MEIS1: variants seen among roughly 807,000 people sequenced by gnomAD.
The protein encoded by MEIS1 is homeobox protein Meis1.
In MEIS1, 5 loss-of-function variants were observed where a neutral mutation model predicts 50.8. That is an observed-to-expected ratio of 0.10 (90% CI 0.05 to 0.21). The LOEUF (loss-of-function observed/expected upper bound fraction) is 0.21. Ranked by LOEUF, MEIS1 falls within the 10% of genes least tolerant of loss-of-function variation. The pLI is 1.00. For synonymous variants in MEIS1, 176 were observed against 179.3 expected, an observed-to-expected ratio of 0.98 and a Z score of 0.15; for missense variants, 318 against 517.3, an observed-to-expected ratio of 0.61 and a Z score of 3.74.
At chr2:66,541,236 A>T (rs964059013) in intron 8 of MEIS1, among the ~76,000 whole-genome samples, 8 of 151,782 alleles carry the variant, frequency 5.3e-5, no homozygotes, top group African/African-American at 1.7e-4. Flanking sequence ...ACGAGGTTTC[A>T]CCATGTTAGC....
intron 7 of MEIS1, among the ~76,000 whole-genome samples, chr2:66,477,402 T>C (rs1374519840): frequency 6.6e-6 from 1 of 152,184 alleles, no homozygotes; most frequent in Admixed American, 6.5e-5. Flanking sequence ...TTCTTTGTCT[T>C]CTTTTGAATG....
At chr2:66,465,347 G>A (rs560253381) in intron 7 of MEIS1, among the ~76,000 whole-genome samples, 42 of 152,242 alleles carry the variant, frequency 2.8e-4, no homozygotes, top group Admixed American at 1.3e-4. Flanking sequence ...TAGTAAAAAC[G>A]GAGCCCAGAA....
chr2:66,548,170 T>C (rs1674835546), intron 9 of MEIS1, among the ~76,000 whole-genome samples, 151 bp downstream of exon 9: 1 of 152,230 alleles, frequency 6.6e-6, no homozygotes, highest in Non-Finnish European at 1.5e-5. Flanking sequence ...TTGACTGATA[T>C]GTGAGAACAT....
chr2:66,533,441 T>C (rs543658698), intron 8 of MEIS1, among the ~76,000 whole-genome samples: 18 of 152,334 alleles, frequency 1.2e-4, no homozygotes, highest in African/African-American at 2.2e-4. Context: ...TGGAGGGTCA[T>C]TGAAGTGTCC....
rs61752692 is a variant in MEIS1 at position 66,512,166 on chromosome 2, A to G, written c.760A>G (p.Ser254Gly). 2.5e-6 allele frequency: 4 copies of G among 1,593,782 alleles called. No individual in the cohort carries two copies. The highest frequency in any genetic ancestry group is 2.3e-5 in the East Asian group (1 of 44,204). Reference protein sequence around the residue: ...SSEQGDGLDNSVASPSTGDDD... With the variant: ...SSEQGDGLDNGVASPSTGDDD... Reference sequence around the variant, plus strand: ...GTTTGCAGGTGATGGCTTGGACAACAGTGTAGCTTCCCCCAGCACAGGTGA... The same window carrying G: ...GTTTGCAGGTGATGGCTTGGACAACGGTGTAGCTTCCCCCAGCACAGGTGA... The change falls in exon 8 of 13, where the codon AGT (serine) becomes GGT (glycine). Residue 254 changes from serine to glycine, a missense_variant. Physicochemically the swap from Ser to Gly is moderately conservative, Grantham distance 56. Transcript: ENST00000272369.
intron 7 of MEIS1, among the ~76,000 whole-genome samples, chr2:66,472,594 G>A (rs1053126953): frequency 6.6e-6 from 1 of 152,158 alleles, no homozygotes; most frequent in Non-Finnish European, 1.5e-5. Flanking sequence ...GGAGCCGTGA[G>A]TGTATTTATT....
intron 7 of MEIS1, chr2:66,509,246 A>C (rs1410969956): frequency 2.9e-6 from 1 of 341,316 alleles, no homozygotes; most frequent in Non-Finnish European, 6.0e-6. Flanking sequence ...CTTTTAGAAT[A>C]GTCTGTTTTA....
intron 8 of MEIS1, among the ~76,000 whole-genome samples, chr2:66,522,010 C>A (rs1043535260): frequency 6.6e-6 from 1 of 152,172 alleles, no homozygotes; most frequent in African/African-American, 2.4e-5. Context: ...ATCCGTAATG[C>A]GATGGGTGGG....
At chr2:66,537,003 AG>A (rs1393590531) in intron 8 of MEIS1, among the ~76,000 whole-genome samples, 1 of 152,164 alleles carries the variant, frequency 6.6e-6, no homozygotes, top group African/African-American at 2.4e-5. Flanking sequence ...GCTATTCTAT[AG>A]TTTTCATTGA....
chr2:66,532,558 C>G (rs1456783905), intron 8 of MEIS1, among the ~76,000 whole-genome samples: 1 of 152,054 alleles, frequency 6.6e-6, no homozygotes, highest in African/African-American at 2.4e-5. Flanking sequence ...CTGAGAGCAT[C>G]CATTATCACA....
intron 9 of MEIS1, among the ~76,000 whole-genome samples, chr2:66,550,663 A>T (rs528968806): frequency 6.6e-6 from 1 of 150,954 alleles, no homozygotes; most frequent in South Asian, 2.1e-4. Context: ...TGCCCAGTTA[A>T]TTTTTTTTTC....
rs1674698964 is a variant in MEIS1, at chr2:66,543,233, CAGGATCCTACCCTA to C, written c.889-4703_889-4690del. On this transcript the variant is annotated intron_variant, in intron 8 of 12. Transcript: ENST00000272369. ...ACATCCTTTAACTATTTCTTTTATA[CAGGATCCTACCCTA>C]AGGATCATTTTATTCTTTGACGGGG... Among the ~76,000 whole-genome samples, 3 of 152,268 alleles carry C rather than the reference CAGGATCCTACCCTA, an allele frequency of 2.0e-5. No individual in the cohort carries two copies. The South Asian group carries it at 6.2e-4, about 32-fold the overall frequency.
intron 7 of MEIS1, among the ~76,000 whole-genome samples, chr2:66,479,250 G>A (rs762700177): frequency 2.0e-4 from 30 of 152,234 alleles, no homozygotes; most frequent in Non-Finnish European, 2.9e-4. Context: ...CTCTATTGCA[G>A]TTGAGCTGAT....
At chr2:66,539,663 G>A (rs1401028421) in intron 8 of MEIS1, among the ~76,000 whole-genome samples, 2 of 152,296 alleles carry the variant, frequency 1.3e-5, no homozygotes, top group Middle Eastern at 3.4e-3. Context: ...GAAGCATTTG[G>A]AACAGCGCCT....
intron 9 of MEIS1, among the ~76,000 whole-genome samples, chr2:66,555,280 C>CTCT (rs10695722): frequency 0.24 from 31,427 of 133,682 alleles, 4,181 homozygotes; most frequent in Middle Eastern, 0.3. Context: ...CTCTCTCTCT[C>CTCT]GTCTCTCTCC....
At chr2:66,571,129 AC>A (rs1675476909) in intron 12 of MEIS1, 116 bp from the exon 13 acceptor site, 2 of 1,023,092 alleles carry the variant, frequency 2.0e-6, no homozygotes, top group African/African-American at 1.6e-5. Context: ...GCTTTACAAA[AC>A]CATGTTCCCT....
chr2:66,475,263 TATATA>T (rs527672851), intron 7 of MEIS1, among the ~76,000 whole-genome samples: 3,029 of 146,438 alleles, frequency 0.021, 39 homozygotes, highest in Middle Eastern at 0.076. Context: ...ATAAAATAAA[TATATA>T]ATATATTATA....
At chr2:66,446,086 G>A (rs1672136084) in intron 6 of MEIS1, among the ~76,000 whole-genome samples, 1 of 152,072 alleles carries the variant, frequency 6.6e-6, no homozygotes, top group Non-Finnish European at 1.5e-5. Flanking sequence ...TCAGCGTGGG[G>A]CGAGGTCCCG....
In MEIS1 at chr2:66,437,911, A is replaced by C. The variant is rs1271023233; in HGVS notation, c.187A>C (p.Met63Leu). 1 of 1,605,634 alleles carries C rather than the reference A, an allele frequency of 6.2e-7. No homozygotes were observed. Residue 63 changes from methionine to leucine, a missense_variant, in exon 2 of 13, where the codon ATG becomes CTG. Coordinates refer to ENST00000272369, the MANE Select transcript of MEIS1 (RefSeq NM_002398.3). ...TCATACCAACGCCATGGCCCCCAGC[A>C]TGGGCTCCTCTGTCAATGACGCTTT... ...TAHTNAMAPS[M>L]GSSVNDALKR...
Sources: gnomAD v4.1 joint callset for allele counts (sites outside exome capture counted in the v4.1 genomes callset) on GRCh38, gnomAD v4.1.1 for gene constraint, MANE v1.5 for transcripts, NCBI Gene and HGNC (gene_info 2026-07-23, HGNC 2026-07-21) for gene names.